The following PTPN3 variants were observed in gnomAD, a reference collection of about 807,000 sequenced individuals.
The protein encoded by PTPN3 is protein tyrosine phosphatase non-receptor type 3, also known as tyrosine-protein phosphatase non-receptor type 3.
In PTPN3, 96 loss-of-function variants were observed where a neutral mutation model predicts 132.7. That is an observed-to-expected ratio of 0.72 (90% CI 0.61 to 0.86). PTPN3 has a LOEUF of 0.86. Ranked by LOEUF, PTPN3 falls within the 40% of genes least tolerant of loss-of-function variation. The pLI, the probability that PTPN3 is intolerant of heterozygous loss-of-function variation, is 0.00. For missense variants in PTPN3, 1,125 were observed against 1,159.6 expected, an observed-to-expected ratio of 0.97 and a Z score of 0.43; for synonymous variants, 398 against 429.0, an observed-to-expected ratio of 0.93 and a Z score of 0.89.
chr9:109,390,595 T>C (rs1410827047), intron 21 of PTPN3, among the ~76,000 whole-genome samples: 1 of 152,052 alleles, frequency 6.6e-6, no homozygotes, highest in African/African-American at 2.4e-5. Context: ...AAACTTAAAG[T>C]ATAATAATAA....
the PTPN3 span, chr9:109,511,411 A>T: frequency 2.0e-5 from 3 of 152,934 alleles, no homozygotes; most frequent in African/African-American, 7.2e-5. Context: ...TGGTGTCTAC[A>T]CTCCTGTGAA....
At chr9:109,474,452 G>T (rs76298084) in intron 1 of PTPN3, among the ~76,000 whole-genome samples, 8,375 of 152,248 alleles carry the variant, frequency 0.055, 358 homozygotes, top group East Asian at 0.23. Flanking sequence ...CTAGGGGAGA[G>T]GAAGCCCCAG....
chr9:109,416,437 TTGTTTTTTTGTTTC>T (rs1166864584), intron 14 of PTPN3, among the ~76,000 whole-genome samples: 4,013 of 149,074 alleles, frequency 0.027, 76 homozygotes, highest in East Asian at 0.11. Flanking sequence ...TTTTTGTTTT[TTGTTTTTTTGTTTC>T]TTTTTTTTTT....
chr9:109,406,330 A>G, intron 18 of PTPN3, 132 bp downstream of exon 18: 1 of 1,222,664 alleles, frequency 8.2e-7, no homozygotes, highest in South Asian at 1.5e-5. Flanking sequence ...ACATTCGGTT[A>G]TTACCTGAAG....
Position 109,438,059 on chromosome 9 carries a change from T to C in PTPN3, c.587+55A>G, listed in dbSNP as rs925700410. On this transcript the variant is annotated intron_variant, in intron 8 of 25. Transcript: ENST00000374541. ...CTGCATCAAACACAAAGGGATATGA[T>C]GTCTGAAAATACCCAACCCAAGTCC... 21 of 1,549,376 alleles carry C rather than the reference T, an allele frequency of 1.4e-5. No individual in the cohort carries two copies. In the Admixed American group the frequency reaches 2.8e-4, roughly 20 times the overall value.
At position 109,410,218 on chromosome 9, in the gene PTPN3, C is replaced by T. The variant is rs771172637; in HGVS notation, c.1500+11G>A. ...GGTGTGTGGATCACCCGGCTGCCTGCGCTCGCTCACCTTGTCACAGTAGTA... is the reference window on the plus strand; with the variant it reads ...GGTGTGTGGATCACCCGGCTGCCTGTGCTCGCTCACCTTGTCACAGTAGTA... On this transcript the variant is annotated intron_variant, in intron 15 of 25. Transcript: ENST00000374541. The T allele has an allele frequency of 1.7e-5, 28 of 1,612,256 alleles. No homozygotes were observed. Among genetic ancestry groups the T allele is most frequent in the East Asian group, 1.3e-4 (6 of 44,840 alleles).
chr9:109,405,636 C>A (rs1841501009), intron 18 of PTPN3, among the ~76,000 whole-genome samples: 1 of 152,214 alleles, frequency 6.6e-6, no homozygotes, highest in African/African-American at 2.4e-5. Context: ...GTCACCCAGG[C>A]TGGAGTGTAG....
the PTPN3 span, chr9:109,532,870 T>TAAC: frequency 1.6e-4 from 177 of 1,137,086 alleles, 2 homozygotes; most frequent in Non-Finnish European, 2.0e-4. Context: ...AGCGGACTAA[T>TAAC]TCTCAATTAT....
chr9:109,379,761 G>T, intron 25 of PTPN3, 128 bp from the exon 26 acceptor site: 1 of 775,746 alleles, frequency 1.3e-6, no homozygotes, highest in Non-Finnish European at 2.2e-6. Context: ...CCACAGGCCA[G>T]GTACACCTGT....
At chr9:109,405,853 T>G (rs1841518409) in intron 18 of PTPN3, among the ~76,000 whole-genome samples, 1 of 152,238 alleles carries the variant, frequency 6.6e-6, no homozygotes, top group Non-Finnish European at 1.5e-5. Flanking sequence ...TCCAAAGTGC[T>G]GGGATTACAG....
chr9:109,425,050 A>G (rs1223801010), intron 12 of PTPN3, among the ~76,000 whole-genome samples: 2 of 152,204 alleles, frequency 1.3e-5, no homozygotes, highest in Non-Finnish European at 2.9e-5. Flanking sequence ...ATCAGGCCCA[A>G]CCTAAGTCAA....
intron 16 of PTPN3, among the ~76,000 whole-genome samples, chr9:109,408,788 A>ATAT (rs1300361920): frequency 9.3e-4 from 49 of 52,848 alleles, no homozygotes; most frequent in East Asian, 3.0e-3. Flanking sequence ...AATTAAAAAA[A>ATAT]AAAAAAAAAT....
chr9:109,483,191 G>A (rs775093141), intron 1 of PTPN3, among the ~76,000 whole-genome samples: 7 of 152,208 alleles, frequency 4.6e-5, no homozygotes, highest in Middle Eastern at 3.2e-3. Context: ...CCCAGCCCTC[G>A]CTCCTCAGAG....
rs757229115 is a variant in PTPN3 at position 109,383,516 on chromosome 9, G to A, written c.2289C>T (p.Asp763=). The A allele has an allele frequency of 8.1e-6, 13 of 1,613,978 alleles. No homozygotes were observed. The highest frequency in any genetic ancestry group is 2.7e-5 in the African/African-American group (2 of 74,890). Residue 763 remains aspartate, a synonymous_variant, in exon 23 of 26, where the codon GAC becomes GAT. Transcript: ENST00000374541. ...TGTGAAAGCCGCCGTGGTTCATGACGTCGGGGGGATCTGGCCAGTACTGGT... is the reference window on the plus strand; with the variant it reads ...TGTGAAAGCCGCCGTGGTTCATGACATCGGGGGGATCTGGCCAGTACTGGT... ...KCHQYWPDPP[D]VMNHGGFHIQ... is the part of the protein sequence containing the mutation.
chr9:109,417,363 C>T (rs564225503), intron 14 of PTPN3, among the ~76,000 whole-genome samples: 19 of 152,304 alleles, frequency 1.2e-4, no homozygotes, highest in African/African-American at 3.4e-4. Context: ...TACAGAACAT[C>T]GCACTTAATT....
the PTPN3 span, among the ~76,000 whole-genome samples, chr9:109,536,978 G>A: frequency 6.6e-6 from 1 of 151,912 alleles, no homozygotes; most frequent in Admixed American, 6.6e-5. Flanking sequence ...AGCCCAGTGT[G>A]GTTGGAGTGT....
rs138909719 is a variant in PTPN3, at chr9:109,459,265, TGAGAG to T, written c.139-1871_139-1867del. 1.2e-4 allele frequency among the ~76,000 whole-genome samples: 19 copies of T among 152,402 alleles called. No individual in the cohort carries two copies. In the East Asian group the frequency reaches 2.7e-3, roughly 22 times the overall value. ...CACCACCAGGGCTCGCTCCCTGGGCTGAGAGAAGAACGACTGATATCCAAGTCAGC... is the reference window on the plus strand; with the variant it reads ...CACCACCAGGGCTCGCTCCCTGGGCTAAGAACGACTGATATCCAAGTCAGC... On this transcript the variant is annotated intron_variant, in intron 2 of 25. Coordinates refer to ENST00000374541, the MANE Select transcript of PTPN3 (RefSeq NM_002829.4).
chr9:109,445,560 T>C (rs1021655787), intron 6 of PTPN3, among the ~76,000 whole-genome samples: 2 of 152,132 alleles, frequency 1.3e-5, no homozygotes, highest in Non-Finnish European at 2.9e-5. Context: ...CTGGCCAGTG[T>C]TTTGGCTGCT....
At chr9:109,388,815 A>G (rs913493265) in intron 22 of PTPN3, among the ~76,000 whole-genome samples, 1 of 152,240 alleles carries the variant, frequency 6.6e-6, no homozygotes, top group Non-Finnish European at 1.5e-5. Flanking sequence ...AAGGGCAGAC[A>G]GACAAGACAG....
Sources: gnomAD v4.1 joint callset for allele counts (sites outside exome capture counted in the v4.1 genomes callset) on GRCh38, gnomAD v4.1.1 for gene constraint, MANE v1.5 for transcripts, NCBI Gene and HGNC (gene_info 2026-07-23, HGNC 2026-07-21) for gene names.